The following SAMD8 variants were observed in gnomAD, a reference collection of about 807,000 sequenced individuals.
The protein encoded by SAMD8 is sterile alpha motif domain containing 8.
A neutral mutation model predicts 42.0 loss-of-function variants in SAMD8; 20 were observed. The ratio of observed to expected loss-of-function variants is 0.48; its 90% CI spans 0.34 to 0.69. The LOEUF is 0.69. Ranked by LOEUF, SAMD8 falls within the 30% of genes least tolerant of loss-of-function variation. The pLI is 0.01. For synonymous variants in SAMD8, 162 were observed against 173.0 expected, an observed-to-expected ratio of 0.94 and a Z score of 0.50; for missense variants, 328 against 511.6, an observed-to-expected ratio of 0.64 and a Z score of 3.46.
rs1433723985 is a variant in SAMD8, at chr10:75,111,685, C to T, written c.-53C>T. On this transcript the variant is annotated 5_prime_UTR_variant, in exon 1 of 6. Coordinates refer to ENST00000542569, the MANE Select transcript of SAMD8 (RefSeq NM_001174156.2). ...TCCGACGGCGGCTCGGACGCCGACT[C>T]GGAGGTGGGTCCGGGGAGCCCGACT... The T allele has an allele frequency of 1.5e-5, 19 of 1,237,658 alleles. No individual in the cohort carries two copies. The allele number at this position is 1,237,658 out of a possible 1,614,324, so 76.7% of individuals were successfully genotyped here.
intron 1 of SAMD8, among the ~76,000 whole-genome samples, chr10:75,145,232 A>C (rs550485496): frequency 4.6e-5 from 7 of 152,314 alleles, no homozygotes; most frequent in Admixed American, 2.6e-4. Context: ...GGCGTGAGCC[A>C]CCACCTGGCC....
chr10:75,125,820 C>T (rs943152121), intron 1 of SAMD8: 2 of 152,234 alleles, frequency 1.3e-5, no homozygotes, highest in Non-Finnish European at 2.9e-5. Flanking sequence ...ACATGTCTAC[C>T]TGACTTAGAC....
In SAMD8 at chr10:75,104,547, T is replaced by C. The variant is rs371511714; in HGVS notation, c.-16+4819T>C. Among the ~76,000 whole-genome samples, 6 of 152,284 alleles carry C rather than the reference T, an allele frequency of 3.9e-5. No individual in the cohort carries two copies. In the East Asian group the frequency reaches 1.2e-3, roughly 29 times the overall value. On this transcript the variant is annotated intron_variant, in intron 1 of 3. Coordinates refer to the SAMD8 transcript ENST00000447533. ...GCTGAGGGAGAAGGGTGACTGGGCATGGTCCGAGATCTGATGCTCCGCCAG... is the reference window on the plus strand; with the variant it reads ...GCTGAGGGAGAAGGGTGACTGGGCACGGTCCGAGATCTGATGCTCCGCCAG...
intron 1 of SAMD8, among the ~76,000 whole-genome samples, chr10:75,144,104 A>T (rs1304474069): frequency 1.3e-5 from 2 of 151,194 alleles, no homozygotes; most frequent in Non-Finnish European, 2.9e-5. Context: ...AGTAGCTGGG[A>T]TTACAGGCAC....
intron 4 of SAMD8, among the ~76,000 whole-genome samples, chr10:75,174,827 G>C (rs1206208982): frequency 5.9e-5 from 9 of 152,012 alleles, no homozygotes; most frequent in Admixed American, 1.3e-4. Context: ...AGGCGTATGT[G>C]TGGGAGTTGG....
upstream of SAMD8, chr10:75,108,070 C>T (rs762758863): frequency 2.4e-5 from 38 of 1,613,724 alleles, 1 homozygote; most frequent in African/African-American, 2.4e-4. Context: ...TCAGGGAGGT[C>T]GTGGGCTGGC....
chr10:75,128,919 A>G (rs1235792282), intron 1 of SAMD8, among the ~76,000 whole-genome samples: 2 of 152,186 alleles, frequency 1.3e-5, no homozygotes, highest in African/African-American at 2.4e-5. Flanking sequence ...AATTTCAGAC[A>G]CATACTGACG....
upstream of SAMD8, chr10:75,108,262 G>T: frequency 6.5e-7 from 1 of 1,540,494 alleles, no homozygotes; most frequent in South Asian, 1.2e-5. Flanking sequence ...GGACCAGGAG[G>T]GAGGCTGTGC....
At chr10:75,144,379 G>A (rs2997754) in intron 1 of SAMD8, among the ~76,000 whole-genome samples, 83,549 of 150,776 alleles carry the variant, frequency 0.55, 25,074 homozygotes, top group East Asian at 0.9. Context: ...CTGAAATTCT[G>A]TACCTATTAA....
At chr10:75,171,705 T>C (rs748734881) in intron 4 of SAMD8, among the ~76,000 whole-genome samples, 3 of 152,180 alleles carry the variant, frequency 2.0e-5, no homozygotes, top group Non-Finnish European at 4.4e-5. Flanking sequence ...AGTAAAATTA[T>C]AGAATTAAAG....
At chr10:75,105,267 T>A (rs1368908289) in intron 1 of SAMD8, among the ~76,000 whole-genome samples, 1 of 152,142 alleles carries the variant, frequency 6.6e-6, no homozygotes, top group Non-Finnish European at 1.5e-5. Context: ...TCAGTGAGAT[T>A]TAGGGGAGCC....
At chr10:75,108,082 C>A, upstream of SAMD8, 2 of 1,613,914 alleles carry the variant, frequency 1.2e-6, no homozygotes, top group South Asian at 2.2e-5. Flanking sequence ...TGGGCTGGCA[C>A]CCCCAGGTAG....
rs1305397589 is a variant in SAMD8, at chr10:75,173,180, A to T, written c.793-2886A>T. 2.6e-5 allele frequency among the ~76,000 whole-genome samples: 4 copies of T among 152,212 alleles called. No individual in the cohort carries two copies. The East Asian group carries it at 7.7e-4, about 29-fold the overall frequency. ...ATATTTCTACTCCAATCTGACCTAAATACTGTTAATTGCTTTGAATTATAA... is the reference window on the plus strand; with the variant it reads ...ATATTTCTACTCCAATCTGACCTAATTACTGTTAATTGCTTTGAATTATAA... On this transcript the variant is annotated intron_variant, in intron 4 of 5. Coordinates refer to ENST00000542569, the MANE Select transcript of SAMD8 (RefSeq NM_001174156.2).
upstream of SAMD8, chr10:75,111,520 C>T: frequency 8.1e-7 from 1 of 1,230,532 alleles, no homozygotes; most frequent in Non-Finnish European, 1.0e-6. Context: ...CGAGCAGCTG[C>T]CGGCGCGGCG....
chr10:75,119,740 A>G (rs1848962194), intron 1 of SAMD8, among the ~76,000 whole-genome samples: 1 of 152,174 alleles, frequency 6.6e-6, no homozygotes, highest in African/African-American at 2.4e-5. Flanking sequence ...CATATTGTAA[A>G]GGTTTCATTT....
chr10:75,172,088 C>G (rs1840880708), intron 4 of SAMD8, among the ~76,000 whole-genome samples: 1 of 151,922 alleles, frequency 6.6e-6, no homozygotes, highest in African/African-American at 2.4e-5. Context: ...GAGTTTTTCA[C>G]TACTGCCAAC....
At chr10:75,109,453 G>T (rs935698536), upstream of SAMD8, among the ~76,000 whole-genome samples, 4 of 152,180 alleles carry the variant, frequency 2.6e-5, no homozygotes, top group African/African-American at 9.7e-5. Context: ...AGGATTAGAT[G>T]AAACAAAGGA....
At chr10:75,129,221 A>G (rs1849219203) in intron 1 of SAMD8, among the ~76,000 whole-genome samples, 1 of 151,558 alleles carries the variant, frequency 6.6e-6, no homozygotes, top group Admixed American at 6.6e-5. Flanking sequence ...CCCCAGCTCA[A>G]GTGACTCTTT....
At chr10:75,139,268 C>A (rs1040686690) in intron 1 of SAMD8, among the ~76,000 whole-genome samples, 20 of 152,106 alleles carry the variant, frequency 1.3e-4, no homozygotes, top group African/African-American at 4.6e-4. Context: ...CACCCATTAA[C>A]ATTTTGGACA....
Sources: allele counts gnomAD v4.1 joint callset (sites outside exome capture counted in the v4.1 genomes callset), GRCh38; gene constraint gnomAD v4.1.1; transcripts MANE v1.5; gene names NCBI Gene and HGNC (gene_info 2026-07-23, HGNC 2026-07-21).